The following ANKS1B variants were observed in gnomAD, a reference collection of about 807,000 sequenced individuals.
ANKS1B encodes the protein ankyrin repeat and sterile alpha motif domain containing 1B, also known as ankyrin repeat and sterile alpha motif domain-containing protein 1B.
ANKS1B carries 36 observed loss-of-function variants against 148.3 expected under a neutral mutation model. The ratio of observed to expected loss-of-function variants is 0.24; its 90% CI spans 0.19 to 0.32. The LOEUF is 0.32. Among genes scored for constraint, ANKS1B ranks in the 10% least tolerant of loss-of-function variants. The pLI, the probability that ANKS1B is intolerant of heterozygous loss-of-function variation, is 1.00. For missense variants in ANKS1B, 1,157 were observed against 1,542.6 expected, an observed-to-expected ratio of 0.75 and a Z score of 4.19; for synonymous variants, 542 against 560.8, an observed-to-expected ratio of 0.97 and a Z score of 0.47.
intron 4 of ANKS1B, among the ~76,000 whole-genome samples, chr12:99,785,436 T>TC (rs2064913096): frequency 6.6e-6 from 1 of 151,940 alleles, no homozygotes; most frequent in African/African-American, 2.4e-5. Context: ...CTTTTTTTTT[T>TC]CTGTTTTTCT....
intron 8 of ANKS1B, among the ~76,000 whole-genome samples, chr12:99,758,215 C>T (rs6538944): frequency 0.44 from 66,295 of 151,572 alleles, 14,885 homozygotes; most frequent in South Asian, 0.61. Flanking sequence ...AGACTGATTG[C>T]AAAGAAAGGA....
intron 12 of ANKS1B, among the ~76,000 whole-genome samples, chr12:99,266,489 A>T (rs1230554087): frequency 6.6e-6 from 1 of 152,332 alleles, no homozygotes; most frequent in South Asian, 2.1e-4. Flanking sequence ...ACAACTGGTT[A>T]GTAAAACTGC....
intron 12 of ANKS1B, among the ~76,000 whole-genome samples, chr12:99,320,409 C>T (rs893471363): frequency 6.6e-6 from 1 of 152,156 alleles, no homozygotes; most frequent in Non-Finnish European, 1.5e-5. Context: ...TCTTTTTCCT[C>T]TAAACTTCTC....
At chr12:99,883,965 T>C (rs1168131999) in intron 1 of ANKS1B, among the ~76,000 whole-genome samples, 1 of 151,612 alleles carries the variant, frequency 6.6e-6, no homozygotes, top group East Asian at 1.9e-4. Flanking sequence ...TCTGACTATA[T>C]GAAAACTCCC....
chr12:99,926,576 G>A (rs2094481945), intron 1 of ANKS1B, among the ~76,000 whole-genome samples: 1 of 152,154 alleles, frequency 6.6e-6, no homozygotes, highest in Non-Finnish European at 1.5e-5. Flanking sequence ...GAACCACATC[G>A]CTGGCTCTCC....
intron 17 of ANKS1B, among the ~76,000 whole-genome samples, chr12:98,961,594 T>C (rs149625466): frequency 6.6e-6 from 1 of 152,222 alleles, no homozygotes; most frequent in Non-Finnish European, 1.5e-5. Flanking sequence ...CAGAATATTA[T>C]AACACTGTAA....
intron 17 of ANKS1B, among the ~76,000 whole-genome samples, chr12:98,978,769 C>CA (rs1357911475): frequency 3.9e-5 from 6 of 152,020 alleles, no homozygotes; most frequent in African/African-American, 9.6e-5. Context: ...CTATATATGA[C>CA]AAAAAACCCC....
intron 1 of ANKS1B, among the ~76,000 whole-genome samples, chr12:99,930,722 G>C (rs560962649): frequency 6.6e-6 from 1 of 152,292 alleles, no homozygotes; most frequent in East Asian, 1.9e-4. Flanking sequence ...TGGAGAAATA[G>C]GAATACTTTT....
At chr12:99,727,346 T>G (rs868439202) in intron 8 of ANKS1B, among the ~76,000 whole-genome samples, 1 of 151,444 alleles carries the variant, frequency 6.6e-6, no homozygotes, top group Non-Finnish European at 1.5e-5. Flanking sequence ...ACACCAACAA[T>G]AGACAAGCAG....
chr12:99,003,113 T>C (rs1391967079), intron 17 of ANKS1B, among the ~76,000 whole-genome samples: 2 of 152,224 alleles, frequency 1.3e-5, no homozygotes, highest in Non-Finnish European at 2.9e-5. Context: ...TTGTATATTC[T>C]TGGCACCCTT....
intron 14 of ANKS1B, among the ~76,000 whole-genome samples, chr12:99,207,962 T>C (rs921339579): frequency 1.3e-5 from 2 of 152,092 alleles, no homozygotes; most frequent in African/African-American, 2.4e-5. Context: ...ATGTTATCCA[T>C]ATGTTTTTCT....
At chr12:99,002,557 C>T (rs1394756221) in intron 17 of ANKS1B, among the ~76,000 whole-genome samples, 6 of 150,492 alleles carry the variant, frequency 4.0e-5, no homozygotes, top group Non-Finnish European at 8.8e-5. Context: ...GGTGATATCT[C>T]ATTGTGGTTT....
chr12:99,407,282 T>C (rs1385475661), intron 11 of ANKS1B, among the ~76,000 whole-genome samples: 2 of 145,820 alleles, frequency 1.4e-5, no homozygotes, highest in African/African-American at 5.2e-5. Flanking sequence ...AAAAACTACA[T>C]AACTGATTTA....
At chr12:99,042,028 CAAAAT>C (rs1224554275) in intron 17 of ANKS1B, among the ~76,000 whole-genome samples, 1 of 149,520 alleles carries the variant, frequency 6.7e-6, no homozygotes, top group Admixed American at 6.6e-5. Flanking sequence ...CAAAACAAAA[CAAAAT>C]AAAACAAAAA....
chr12:99,506,301 A>C (rs1336582448), intron 9 of ANKS1B, among the ~76,000 whole-genome samples: 1 of 152,036 alleles, frequency 6.6e-6, no homozygotes, highest in Non-Finnish European at 1.5e-5. Context: ...GCTGATAAAG[A>C]TTTAGTACGA....
intron 17 of ANKS1B, among the ~76,000 whole-genome samples, chr12:98,842,743 G>T (rs1595244129): frequency 6.6e-6 from 1 of 152,154 alleles, no homozygotes; most frequent in Non-Finnish European, 1.5e-5. Flanking sequence ...ATGGAAGGGT[G>T]AGCAACATAT....
chr12:99,719,965 A>G (rs2057898145), intron 8 of ANKS1B, among the ~76,000 whole-genome samples: 1 of 152,054 alleles, frequency 6.6e-6, no homozygotes, highest in Non-Finnish European at 1.5e-5. Context: ...TCCACTTATC[A>G]ATCTCTTCCC....
chr12:98,987,932 T>C (rs929043471), intron 17 of ANKS1B, among the ~76,000 whole-genome samples: 7 of 152,168 alleles, frequency 4.6e-5, no homozygotes, highest in Non-Finnish European at 5.9e-5. Context: ...TTTTCAGTTA[T>C]AAGAACCAGC....
intron 15 of ANKS1B, among the ~76,000 whole-genome samples, chr12:99,153,832 A>T (rs2075562136): frequency 6.6e-6 from 1 of 152,190 alleles, no homozygotes; most frequent in African/African-American, 2.4e-5. Flanking sequence ...TTATTGAACA[A>T]TTATCAGGAA....
Sources: allele counts gnomAD v4.1 joint callset (sites outside exome capture counted in the v4.1 genomes callset), GRCh38; gene constraint gnomAD v4.1.1; transcripts MANE v1.5; gene names NCBI Gene and HGNC (gene_info 2026-07-23, HGNC 2026-07-21).